Variants in UBN1 observed in about 807,000 individuals in gnomAD.
The protein encoded by UBN1 is ubinuclein-1.
UBN1 carries 17 observed loss-of-function variants against 108.5 expected under a neutral mutation model. That is an observed-to-expected ratio of 0.16 (90% CI 0.11 to 0.24). The LOEUF is 0.24. Ranked by LOEUF, UBN1 falls within the 10% of genes least tolerant of loss-of-function variation. The pLI is 1.00. For missense variants in UBN1, 1,595 were observed against 1,394.4 expected (o/e 1.14, Z -2.29); for synonymous variants, 726 against 564.2 (o/e 1.29, Z -4.07).
At chr16:4,872,833 G>A (rs776686877) in intron 12 of UBN1, 51 bp from the exon 13 acceptor site, 3 of 1,609,884 alleles carry the variant, frequency 1.9e-6, no homozygotes, top group South Asian at 1.1e-5. Flanking sequence ...TGGAAGCAGA[G>A]TCCCAGCTTT....
chr16:4,853,130 C>G lies in UBN1; in HGVS notation c.213C>G (p.Ile71Met), dbSNP rs1330147140. ...TCTACCCAGAGCTGGTGAAGAATAT[C>G]CGAGGGAAGGTAAAAGGCCTTCAGC... ...EFFYPELVKN[I>M]RGKVKGLQPG... The change falls in exon 2 of 18, where the codon ATC (isoleucine) becomes ATG (methionine). Residue 71 changes from isoleucine (I) to methionine (M), a missense_variant. By Grantham distance (10) the Ile-to-Met change is conservative. Coordinates refer to ENST00000262376, the MANE Select transcript of UBN1 (RefSeq NM_001079514.3). 11 of 1,614,060 alleles carry G rather than the reference C, an allele frequency of 6.8e-6. No individual in the cohort carries two copies. The highest frequency in any genetic ancestry group is 2.7e-5 in the African/African-American group (2 of 74,916).
At chr16:4,870,110 G>C in intron 8 of UBN1, 102 bp from the exon 9 acceptor site, 3 of 1,547,684 alleles carry the variant, frequency 1.9e-6, no homozygotes, top group Non-Finnish European at 2.6e-6. Flanking sequence ...GACAGGGTTT[G>C]ACTGCCGTTG....
intron 7 of UBN1, among the ~76,000 whole-genome samples, chr16:4,865,937 G>C (rs1471146493): frequency 6.6e-6 from 1 of 151,998 alleles, no homozygotes; most frequent in Admixed American, 6.6e-5. Flanking sequence ...ACTCCAGCCT[G>C]GGCAACAGAA....
chr16:4,872,828 G>A, intron 12 of UBN1, 56 bp from the exon 13 acceptor site: 1 of 1,603,544 alleles, frequency 6.2e-7, no homozygotes, highest in Non-Finnish European at 8.5e-7. Context: ...AGTTCTGGAA[G>A]CAGAGTCCCA....
At position 4,877,370 on chromosome 16, in the gene UBN1, C is replaced by A. The variant is rs777822813; in HGVS notation, c.3266-15C>A. 1 of 1,606,214 alleles carries A rather than the reference C, an allele frequency of 6.2e-7. No homozygotes were observed. Among genetic ancestry groups the A allele is most frequent in the Non-Finnish European group, 8.5e-7 (1 of 1,175,960 alleles). Reference sequence around the variant, plus strand: ...TGTGTGTTTTGTTCTTTTCTCCCCTCCTGTTTTCTCTCAGGTCTTCTGGCT... The same window carrying A: ...TGTGTGTTTTGTTCTTTTCTCCCCTACTGTTTTCTCTCAGGTCTTCTGGCT... On this transcript the variant is annotated splice_polypyrimidine_tract_variant and intron_variant, in intron 16 of 17. Transcript: ENST00000262376. This position sits in a 1 kb window ranked among gnomAD's most constrained non-coding sequence, Gnocchi z 4.3.
intron 7 of UBN1, 95 bp from the exon 8 acceptor site, chr16:4,868,738 C>A: frequency 1.6e-6 from 2 of 1,215,696 alleles, no homozygotes; most frequent in South Asian, 2.8e-5. Flanking sequence ...TTGACAGGTG[C>A]TCTTTATGGA....
At chr16:4,850,157 C>T (rs1473267976) in intron 1 of UBN1, among the ~76,000 whole-genome samples, 1 of 152,050 alleles carries the variant, frequency 6.6e-6, no homozygotes, top group Non-Finnish European at 1.5e-5. Context: ...TTTCAAATGG[C>T]TTAGTAACAG....
intron 7 of UBN1, among the ~76,000 whole-genome samples, chr16:4,868,467 T>G (rs1030127675): frequency 6.6e-6 from 1 of 152,226 alleles, no homozygotes; most frequent in Non-Finnish European, 1.5e-5. Flanking sequence ...CTTGAATATT[T>G]TTGTACTGTA....
intron 7 of UBN1, among the ~76,000 whole-genome samples, chr16:4,866,271 G>A (rs538428702): frequency 5.3e-5 from 8 of 152,048 alleles, no homozygotes; most frequent in African/African-American, 1.7e-4. Context: ...TCCATTATTC[G>A]TCTGTGGATT....
At chr16:4,868,972 AG>A in intron 8 of UBN1, 69 bp downstream of exon 8, 1 of 1,550,868 alleles carries the variant, frequency 6.4e-7, no homozygotes, top group Non-Finnish European at 8.9e-7. Flanking sequence ...CAAGCCAGCT[AG>A]GGGACAGTGG....
chr16:4,860,058 G>A (rs996694980), intron 6 of UBN1, 90 bp downstream of exon 6: 8 of 1,542,136 alleles, frequency 5.2e-6, no homozygotes, highest in African/African-American at 2.8e-5. Flanking sequence ...CCACAGCTTC[G>A]GAAGAGGCAG....
Position 4,877,906 on chromosome 16 carries a change from C to A in UBN1, c.3355+432C>A. 1 of 887,820 alleles carries A rather than the reference C, an allele frequency of 1.1e-6. No individual in the cohort carries two copies. The highest frequency in any genetic ancestry group is 1.4e-6 in the Non-Finnish European group (1 of 740,654). The allele number at this position is 887,820 out of a possible 1,614,324, so 55.0% of individuals were successfully genotyped here. On this transcript the variant is annotated intron_variant, in intron 17 of 17. Transcript: ENST00000262376. This position sits in a 1 kb window ranked among gnomAD's most constrained non-coding sequence, Gnocchi z 4.3. Reference sequence around the variant, plus strand: ...TCCACTGTCAGATGTGATTGCTTAACAGAAGGCTCTCTAAACTTTGTTTCC... The same window carrying A: ...TCCACTGTCAGATGTGATTGCTTAAAAGAAGGCTCTCTAAACTTTGTTTCC...
At chr16:4,858,494 G>C (rs2086909817) in intron 3 of UBN1, 74 bp from the exon 4 acceptor site, 1 of 1,356,942 alleles carries the variant, frequency 7.4e-7, no homozygotes, top group Admixed American at 1.7e-5. Context: ...AGTCATAGCT[G>C]ATGAAGTTCA....
chr16:4,869,510 C>CA (rs2087505875), intron 8 of UBN1, among the ~76,000 whole-genome samples: 2 of 152,210 alleles, frequency 1.3e-5, no homozygotes, highest in Admixed American at 1.3e-4. Flanking sequence ...CTCCTGGTTG[C>CA]AGTTTGTGGC....
chr16:4,871,081 T>C, intron 11 of UBN1, 74 bp from the exon 12 acceptor site: 7 of 1,604,816 alleles, frequency 4.4e-6, no homozygotes, highest in Non-Finnish European at 6.0e-6. Context: ...TCAGGGCTGC[T>C]GAAAGCACAT....
intron 7 of UBN1, among the ~76,000 whole-genome samples, chr16:4,867,166 G>T (rs1268455725): frequency 6.6e-6 from 1 of 152,202 alleles, no homozygotes; most frequent in African/African-American, 2.4e-5. Context: ...TTCTGAAGAA[G>T]GGAGTGGCGG....
chr16:4,861,831 A>G (rs549644182), intron 7 of UBN1, among the ~76,000 whole-genome samples: 1 of 152,322 alleles, frequency 6.6e-6, no homozygotes, highest in South Asian at 2.1e-4. Flanking sequence ...AATCCCGGCT[A>G]CTTGGGAGGC....
In UBN1 at chr16:4,870,929, A is replaced by T; in HGVS notation, c.1516A>T (p.Ile506Leu). 3 of 1,614,146 alleles carry T rather than the reference A, an allele frequency of 1.9e-6. No individual in the cohort carries two copies. Among genetic ancestry groups the T allele is most frequent in the Non-Finnish European group, 1.7e-6 (2 of 1,180,026 alleles). Residue 506 changes from isoleucine (I) to leucine (L), a missense_variant, in exon 11 of 18, where the codon ATA becomes TTA. By Grantham distance (5) the Ile-to-Leu change is conservative. This residue lies in a region of UBN1 where 1,398 missense variants were observed against 1,194.7 expected (regional missense o/e 1.17). Transcript: ENST00000262376. ...EEDEEKGGRR[I>L]MGPRKKFQWN... Reference sequence around the variant, plus strand: ...AGATGAAGAAAAAGGGGGCAGGAGGATAATGGGACCTCGGAAGAAGTTCCA... The same window carrying T: ...AGATGAAGAAAAAGGGGGCAGGAGGTTAATGGGACCTCGGAAGAAGTTCCA...
intron 1 of UBN1, among the ~76,000 whole-genome samples, chr16:4,849,660 C>T (rs539104464): frequency 2.0e-4 from 31 of 151,608 alleles, no homozygotes; most frequent in Non-Finnish European, 4.4e-4. Context: ...GGCAGGATCA[C>T]GGCTCACTGC....
Sources: allele counts gnomAD v4.1 joint callset (sites outside exome capture counted in the v4.1 genomes callset), GRCh38; gene constraint gnomAD v4.1.1; regional missense constraint gnomAD v4.1.1; non-coding constraint Gnocchi (gnomAD v3.1); transcripts MANE v1.5; gene names NCBI Gene and HGNC (gene_info 2026-07-23, HGNC 2026-07-21).